TAF1B: variants seen among roughly 807,000 people sequenced by gnomAD.
TAF1B encodes TATA-box binding protein associated factor, RNA polymerase I subunit B.
In TAF1B, 61 loss-of-function variants were observed where a neutral mutation model predicts 83.9. The ratio of observed to expected loss-of-function variants is 0.73; its 90% CI spans 0.59 to 0.90. The LOEUF is 0.90. Among genes scored for constraint, TAF1B ranks in the 40% least tolerant of loss-of-function variants. The pLI, the probability that TAF1B is intolerant of heterozygous loss-of-function variation, is 0.00. For synonymous variants in TAF1B, 221 were observed against 224.6 expected (o/e 0.98, Z 0.14); for missense variants, 625 against 677.0 (o/e 0.92, Z 0.85).
intron 8 of TAF1B, among the ~76,000 whole-genome samples, chr2:9,899,361 G>C (rs1261680243): frequency 6.6e-6 from 1 of 152,054 alleles, no homozygotes; most frequent in Non-Finnish European, 1.5e-5. Context: ...TCCTTTTCAG[G>C]CTGGATAATA....
At chr2:9,929,174 T>TGTTGTTGTTGTTG (rs1553295008) in intron 14 of TAF1B, among the ~76,000 whole-genome samples, 1 of 151,924 alleles carries the variant, frequency 6.6e-6, no homozygotes, top group Admixed American at 6.6e-5. Context: ...TTGTTGTTGT[T>TGTTGTTGTTGTTG]TAGAGACGGA....
intron 11 of TAF1B, 96 bp from the exon 12 acceptor site, chr2:9,913,063 G>A: frequency 1.0e-6 from 1 of 975,814 alleles, no homozygotes; most frequent in Middle Eastern, 2.3e-4. Context: ...CACACCAACT[G>A]CCCAGTGCAG....
intron 5 of TAF1B, among the ~76,000 whole-genome samples, chr2:9,861,531 A>G (rs915136982): frequency 5.3e-5 from 8 of 152,344 alleles, no homozygotes; most frequent in African/African-American, 1.9e-4. Context: ...CAGGGCACAG[A>G]CAAACAAAAG....
At chr2:9,860,379 CATT>C (rs1479412429) in intron 5 of TAF1B, among the ~76,000 whole-genome samples, 1 of 152,118 alleles carries the variant, frequency 6.6e-6, no homozygotes, top group African/African-American at 2.4e-5. Flanking sequence ...TAACATACGC[CATT>C]ATTTTAAGTA....
chr2:9,874,974 T>C (rs1044776109), intron 6 of TAF1B, among the ~76,000 whole-genome samples: 1 of 152,024 alleles, frequency 6.6e-6, no homozygotes, highest in Admixed American at 6.6e-5. Flanking sequence ...TTTTTTTTTT[T>C]CTTTTTGGAG....
At chr2:9,930,933 T>C (rs1666191550) in intron 14 of TAF1B, among the ~76,000 whole-genome samples, 1 of 152,216 alleles carries the variant, frequency 6.6e-6, no homozygotes, top group African/African-American at 2.4e-5. Flanking sequence ...TGGCCTTCTT[T>C]ATTTCTTTTG....
intron 5 of TAF1B, among the ~76,000 whole-genome samples, chr2:9,860,309 CAT>C (rs1040925990): frequency 2.0e-5 from 3 of 152,274 alleles, no homozygotes; most frequent in Admixed American, 6.5e-5. Context: ...GAGCCGGAGA[CAT>C]AAATTTCGAA....
intron 8 of TAF1B, among the ~76,000 whole-genome samples, chr2:9,891,783 G>GA (rs35300373): frequency 2.0e-5 from 3 of 151,948 alleles, no homozygotes; most frequent in African/African-American, 7.3e-5. Context: ...TTTAAAAATA[G>GA]AAAAAAACAT....
intron 4 of TAF1B, chr2:9,852,015 G>T (rs747862062): frequency 2.1e-6 from 1 of 475,586 alleles, no homozygotes; most frequent in Admixed American, 2.3e-5. Context: ...ATCGTTTGGT[G>T]TATGTACATA....
At chr2:9,888,787 T>A (rs1392713908) in intron 8 of TAF1B, among the ~76,000 whole-genome samples, 4 of 98,128 alleles carry the variant, frequency 4.1e-5, no homozygotes, top group Non-Finnish European at 7.9e-5. Context: ...TTTCTTCTGC[T>A]TGGTTTTTTT....
intron 4 of TAF1B, among the ~76,000 whole-genome samples, chr2:9,853,736 C>T (rs1572214721): frequency 6.6e-6 from 1 of 152,120 alleles, no homozygotes; most frequent in East Asian, 1.9e-4. Flanking sequence ...CTGGGGATTA[C>T]AGTAGTGAGC....
intron 5 of TAF1B, among the ~76,000 whole-genome samples, chr2:9,855,667 G>C (rs557140495): frequency 3.0e-4 from 46 of 152,184 alleles, no homozygotes; most frequent in African/African-American, 1.1e-3. Context: ...CTGGGCAACA[G>C]AGTGAGACTT....
intron 6 of TAF1B, among the ~76,000 whole-genome samples, chr2:9,872,296 A>G (rs1459574998): frequency 3.3e-5 from 5 of 151,198 alleles, no homozygotes. Flanking sequence ...ACTGCACTCC[A>G]GTCTGGGCAA....
intron 14 of TAF1B, among the ~76,000 whole-genome samples, chr2:9,920,680 C>T (rs917232400): frequency 6.6e-6 from 1 of 152,148 alleles, no homozygotes; most frequent in Non-Finnish European, 1.5e-5. Flanking sequence ...TTTCCCCTTA[C>T]AACTAATAAA....
chr2:9,882,109 CTT>C (rs756368455), intron 7 of TAF1B, among the ~76,000 whole-genome samples: 14 of 144,406 alleles, frequency 9.7e-5, no homozygotes, highest in African/African-American at 1.0e-4. Context: ...TTCTTGAACA[CTT>C]TTTTTTTTTT....
At chr2:9,859,111 T>C (rs944642728) in intron 5 of TAF1B, among the ~76,000 whole-genome samples, 1 of 152,218 alleles carries the variant, frequency 6.6e-6, no homozygotes, top group Admixed American at 6.5e-5. Flanking sequence ...AAAGTTCCAG[T>C]TTCAGATAAT....
rs1665533277 is a variant in TAF1B, at chr2:9,911,532, A to G, written c.1155A>G (p.Glu385=). 2 of 1,525,772 alleles carry G rather than the reference A, an allele frequency of 1.3e-6. No individual in the cohort carries two copies. Among genetic ancestry groups the G allele is most frequent in the Non-Finnish European group, 1.8e-6 (2 of 1,130,392 alleles). The allele number at this position is 1,525,772 out of a possible 1,614,324, so 94.5% of individuals were successfully genotyped here. A position where few individuals can be genotyped will look rare whatever the true frequency, so the allele number is the denominator to read the frequency against. ...CCAGGTCTTTGTCTAATCTTGCTGAAAAGCATAATGAAAAGAACAAAAAAG... is the reference window on the plus strand; with the variant it reads ...CCAGGTCTTTGTCTAATCTTGCTGAGAAGCATAATGAAAAGAACAAAAAAG... ...SFEWSLSNLA[E]KHNEKNKKDK... The change falls in exon 11 of 15, where the codon GAA becomes GAG. Residue 385 remains glutamate (E), a synonymous_variant. Transcript: ENST00000263663.
At chr2:9,908,256 A>G (rs1665412104) in intron 9 of TAF1B, among the ~76,000 whole-genome samples, 2 of 151,760 alleles carry the variant, frequency 1.3e-5, no homozygotes, top group South Asian at 2.1e-4. Context: ...TGTGTTAGCC[A>G]GGATGGTCTG....
At chr2:9,883,766 T>C (rs1467749385) in intron 8 of TAF1B, among the ~76,000 whole-genome samples, 1 of 152,236 alleles carries the variant, frequency 6.6e-6, no homozygotes, top group Non-Finnish European at 1.5e-5. Flanking sequence ...AAAATTTGAA[T>C]GTCAAAGGAT....
Sources: allele counts gnomAD v4.1 joint callset (sites outside exome capture counted in the v4.1 genomes callset), GRCh38; gene constraint gnomAD v4.1.1; transcripts MANE v1.5; gene names NCBI Gene and HGNC (gene_info 2026-07-23, HGNC 2026-07-21).